CFTR: variants seen among roughly 807,000 people sequenced by gnomAD.
CFTR encodes the protein cystic fibrosis transmembrane conductance regulator.
In CFTR, 181 loss-of-function variants were observed where a neutral mutation model predicts 171.6. That is an observed-to-expected ratio of 1.05 (90% CI 0.93 to 1.19). CFTR has a LOEUF of 1.19. CFTR is among the 50% of genes most tolerant of loss of function. The pLI, the probability that CFTR is intolerant of heterozygous loss-of-function variation, is 0.00. For synonymous variants in CFTR, 583 were observed against 608.0 expected, an observed-to-expected ratio of 0.96 and a Z score of 0.60; for missense variants, 1,968 against 1,734.7, an observed-to-expected ratio of 1.13 and a Z score of -2.39.
Position 117,541,663 on chromosome 7 carries a change from G to A in CFTR, c.1117-353G>A, listed in dbSNP as rs534815223. On this transcript the variant is annotated intron_variant, in intron 8 of 26. Coordinates refer to ENST00000003084, the MANE Select transcript of CFTR (RefSeq NM_000492.4). ...ATGAAGACATTCATTTTTTTTCTCC[G>A]TCCAATGTTGGATTAAGGCACATTA... 4.6e-5 allele frequency among the ~76,000 whole-genome samples: 7 copies of A among 151,920 alleles called. No homozygotes were observed. In the South Asian group the frequency reaches 6.2e-4, roughly 14 times the overall value.
At chr7:117,650,058 TC>T (rs1257383382) in intron 23 of CFTR, among the ~76,000 whole-genome samples, 2 of 151,836 alleles carry the variant, frequency 1.3e-5, no homozygotes, top group African/African-American at 4.8e-5. Context: ...ACTAAATGAG[TC>T]AGAGAAGTAG....
At chr7:117,656,215 A>G (rs962982812) in intron 24 of CFTR, among the ~76,000 whole-genome samples, 2 of 152,240 alleles carry the variant, frequency 1.3e-5, no homozygotes, top group Admixed American at 6.5e-5. Flanking sequence ...TCTACTCCCT[A>G]TCTGAGTTCT....
chr7:117,559,357 A>G, intron 10 of CFTR, 107 bp from the exon 11 acceptor site: 1 of 795,380 alleles, frequency 1.3e-6, no homozygotes, highest in Non-Finnish European at 2.2e-6. Context: ...AGTTAATAGA[A>G]TCTTTACAAA....
chr7:117,600,880 T>C (rs1270442504), intron 15 of CFTR, among the ~76,000 whole-genome samples: 1 of 152,084 alleles, frequency 6.6e-6, no homozygotes, highest in Non-Finnish European at 1.5e-5. Flanking sequence ...TGCTTCTATA[T>C]ACACCAAATA....
At chr7:117,596,097 T>C (rs1792118568) in intron 15 of CFTR, among the ~76,000 whole-genome samples, 1 of 152,074 alleles carries the variant, frequency 6.6e-6, no homozygotes, top group Non-Finnish European at 1.5e-5. Context: ...AGCCCCTTTC[T>C]GGGCTGGCCA....
chr7:117,628,493 T>A (rs1288035294), intron 22 of CFTR, among the ~76,000 whole-genome samples: 1 of 152,150 alleles, frequency 6.6e-6, no homozygotes, highest in Non-Finnish European at 1.5e-5. Context: ...ATATTTTGAT[T>A]GATATTTTTT....
intron 21 of CFTR, among the ~76,000 whole-genome samples, chr7:117,623,652 G>A (rs1430705539): frequency 1.3e-5 from 2 of 152,186 alleles, no homozygotes; most frequent in Non-Finnish European, 2.9e-5. Flanking sequence ...GAGGCGCTGA[G>A]GGGTAAAATT....
Position 117,592,256 on chromosome 7 carries a change from A to C in CFTR, c.2089A>C (p.Arg697=). 6.2e-7 allele frequency: 1 copy of C among 1,613,952 alleles called. No individual in the cohort carries two copies. Among genetic ancestry groups the C allele is most frequent in the Non-Finnish European group, 8.5e-7 (1 of 1,180,018 alleles). Residue 697 remains arginine, a synonymous_variant, in exon 14 of 27, where the codon AGG becomes CGG. Coordinates refer to ENST00000003084, the MANE Select transcript of CFTR (RefSeq NM_000492.4). ...FKQTGEFGEK[R]KNSILNPINS... ...ACAGACTGGAGAGTTTGGGGAAAAA[A>C]GGAAGAATTCTATTCTCAATCCAAT... is the stretch of plus-strand genomic sequence containing the variant.
chr7:117,620,317 G>T lies in CFTR; in HGVS notation c.3468+5604G>T, dbSNP rs370872075. On this transcript the variant is annotated intron_variant, in intron 21 of 26. Coordinates refer to ENST00000003084, the MANE Select transcript of CFTR (RefSeq NM_000492.4). ...CTTGAGGGTCTTATTTTTCTCATTT[G>T]TAAAATGAAACAGTTTGATGAGAAG... is the stretch of plus-strand genomic sequence containing the variant. Among the ~76,000 whole-genome samples the T allele has an allele frequency of 1.9e-3, 288 of 152,222 alleles. 1 individual carries two copies. Among genetic ancestry groups the T allele is most frequent in the African/African-American group, 6.8e-3 (284 of 41,544 alleles).
At chr7:117,558,385 T>G (rs1227945122) in intron 10 of CFTR, among the ~76,000 whole-genome samples, 2 of 151,980 alleles carry the variant, frequency 1.3e-5, no homozygotes, top group African/African-American at 4.8e-5. Context: ...AAACTCCGTC[T>G]CTACTAAAAA....
intron 11 of CFTR, among the ~76,000 whole-genome samples, chr7:117,569,524 T>A (rs963673708): frequency 6.6e-6 from 1 of 152,080 alleles, no homozygotes; most frequent in African/African-American, 2.4e-5. Flanking sequence ...ATTCAACATA[T>A]ACAAATGCGC....
intron 3 of CFTR, among the ~76,000 whole-genome samples, chr7:117,523,286 T>G (rs1798711592): frequency 6.6e-6 from 1 of 152,116 alleles, no homozygotes; most frequent in Non-Finnish European, 1.5e-5. Flanking sequence ...TTTGAGGCTG[T>G]AGTGTGTTGT....
intron 11 of CFTR, among the ~76,000 whole-genome samples, chr7:117,580,062 C>G (rs1304879335): frequency 6.6e-6 from 1 of 151,712 alleles, no homozygotes; most frequent in African/African-American, 2.4e-5. Flanking sequence ...AGATAGCAAA[C>G]AAATACAGGA....
chr7:117,647,902 GA>G (rs1793018439), intron 23 of CFTR, among the ~76,000 whole-genome samples: 1 of 151,100 alleles, frequency 6.6e-6, no homozygotes, highest in African/African-American at 2.4e-5. Flanking sequence ...TATACAGATT[GA>G]ATTTATAAGA....
chr7:117,610,776 C>T, intron 19 of CFTR, 107 bp downstream of exon 19: 4 of 1,133,714 alleles, frequency 3.5e-6, no homozygotes, highest in East Asian at 2.6e-5. Flanking sequence ...TAAACTTTTA[C>T]ATCATATAAC....
At chr7:117,483,290 C>T (rs1798026196) in intron 1 of CFTR, among the ~76,000 whole-genome samples, 1 of 152,084 alleles carries the variant, frequency 6.6e-6, no homozygotes, top group African/African-American at 2.4e-5. Flanking sequence ...CTAAATAATA[C>T]ATAAATTTCT....
chr7:117,576,517 C>A (rs1791772489), intron 11 of CFTR, among the ~76,000 whole-genome samples: 1 of 152,070 alleles, frequency 6.6e-6, no homozygotes. Context: ...GTCCTGGAAC[C>A]AATTCCCCAC....
intron 22 of CFTR, among the ~76,000 whole-genome samples, chr7:117,636,829 T>C (rs1235534297): frequency 6.6e-6 from 1 of 151,996 alleles, no homozygotes; most frequent in East Asian, 1.9e-4. Context: ...TTTTTTTTTT[T>C]TTCTTTTTGA....
intron 10 of CFTR, among the ~76,000 whole-genome samples, chr7:117,554,050 TA>T (rs1177588701): frequency 6.6e-6 from 1 of 152,084 alleles, no homozygotes; most frequent in African/African-American, 2.4e-5. Flanking sequence ...GGGTAAACCA[TA>T]AAGTGCTCGT....
Sources: gnomAD v4.1 joint callset for allele counts (sites outside exome capture counted in the v4.1 genomes callset) on GRCh38, gnomAD v4.1.1 for gene constraint, MANE v1.5 for transcripts, NCBI Gene and HGNC (gene_info 2026-07-23, HGNC 2026-07-21) for gene names.